Variants in CWC22 observed in about 807,000 individuals in gnomAD.
CWC22 encodes the protein CWC22 spliceosome associated protein, also known as pre-mRNA-splicing factor CWC22 homolog.
In CWC22, 53 loss-of-function variants were observed where a neutral mutation model predicts 117.2. The observed-to-expected ratio is 0.45, with a 90% CI of 0.36 to 0.57. CWC22 has a LOEUF of 0.57. Among genes scored for constraint, CWC22 ranks in the 20% least tolerant of loss-of-function variants. The probability of loss-of-function intolerance (pLI) is 0.00; values close to 1 mark genes in which losing one functional copy is unlikely to be tolerated. For missense variants in CWC22, 980 were observed against 1,068.8 expected, an observed-to-expected ratio of 0.92 and a Z score of 1.16; for synonymous variants, 360 against 355.6, an observed-to-expected ratio of 1.01 and a Z score of -0.14.
intron 1 of CWC22, among the ~76,000 whole-genome samples, chr2:180,002,341 G>A (rs541566644): frequency 3.9e-5 from 6 of 152,172 alleles, no homozygotes; most frequent in Admixed American, 6.5e-5. Flanking sequence ...TAGGAGGCTG[G>A]GGGAAGGTTC....
chr2:179,950,298 T>G (rs558665301), intron 19 of CWC22, among the ~76,000 whole-genome samples: 57 of 152,310 alleles, frequency 3.7e-4, no homozygotes, highest in South Asian at 8.3e-4. Context: ...AATATTTTCA[T>G]TTCTATGATG....
intron 18 of CWC22, 31 bp from the exon 19 acceptor site, chr2:179,950,763 TTTCAAA>T: frequency 6.2e-7 from 1 of 1,605,274 alleles, no homozygotes; most frequent in Non-Finnish European, 8.5e-7. Flanking sequence ...TTAGATTCTA[TTTCAAA>T]GACAATTATG....
At chr2:179,975,155 C>G (rs1013621971) in intron 6 of CWC22, among the ~76,000 whole-genome samples, 2 of 152,140 alleles carry the variant, frequency 1.3e-5, no homozygotes, top group East Asian at 3.9e-4. Context: ...ATTCTATTTT[C>G]TGACCCTTTT....
intron 3 of CWC22, among the ~76,000 whole-genome samples, chr2:179,987,181 C>A (rs1687439718): frequency 6.6e-6 from 1 of 152,262 alleles, no homozygotes; most frequent in African/African-American, 2.4e-5. Context: ...TGTATGAGAC[C>A]AAGGTCATTG....
chr2:179,988,888 TTC>T lies in CWC22; in HGVS notation c.28-246_28-245del, dbSNP rs1687487076. ...TTATGGACCAAAAACTTCTTTTTTT[TTC>T]TGTTTATTTTTATTTTTTATTTCTT... is the stretch of plus-strand genomic sequence containing the variant. On this transcript the variant is annotated intron_variant, in intron 2 of 19. Coordinates refer to ENST00000410053, the MANE Select transcript of CWC22 (RefSeq NM_020943.3). Among the ~76,000 whole-genome samples the T allele has an allele frequency of 3.3e-5, 5 of 152,084 alleles. No homozygotes were observed. In the South Asian group the frequency reaches 1.0e-3, roughly 32 times the overall value.
Position 179,994,311 on chromosome 2 carries a change from G to GA in CWC22, c.-113-858dup, listed in dbSNP as rs72135502. 2.2e-4 allele frequency among the ~76,000 whole-genome samples: 33 copies of GA among 151,280 alleles called. No individual in the cohort carries two copies. The South Asian group carries it at 4.2e-3, about 19-fold the overall frequency. On this transcript the variant is annotated intron_variant, in intron 1 of 19. Transcript: ENST00000410053. Reference sequence around the variant, plus strand: ...GTAGCAAAATAACTGAATACAACTGGAAAAAAAAATTAATTTGAGTGTCAG... The same window carrying GA: ...GTAGCAAAATAACTGAATACAACTGGAAAAAAAAAATTAATTTGAGTGTCAG...
chr2:179,991,020 G>A (rs1212343012), intron 2 of CWC22, among the ~76,000 whole-genome samples: 3 of 152,182 alleles, frequency 2.0e-5, no homozygotes, highest in African/African-American at 7.2e-5. Context: ...TTTTATCACA[G>A]AGTTTAGATT....
At chr2:179,992,453 C>G (rs1423042518) in intron 2 of CWC22, among the ~76,000 whole-genome samples, 1 of 152,134 alleles carries the variant, frequency 6.6e-6, no homozygotes, top group Admixed American at 6.5e-5. Context: ...CTTACATTTT[C>G]AAGTCTCTGC....
intron 1 of CWC22, among the ~76,000 whole-genome samples, chr2:180,000,867 T>A (rs1439056584): frequency 6.6e-6 from 1 of 152,050 alleles, no homozygotes; most frequent in Non-Finnish European, 1.5e-5. Context: ...CCATTATCTA[T>A]ACTGAAAACC....
At chr2:179,963,366 G>A (rs1303180706) in intron 13 of CWC22, among the ~76,000 whole-genome samples, 3 of 95,124 alleles carry the variant, frequency 3.2e-5, no homozygotes, top group East Asian at 3.6e-4. Context: ...TTTTTGAGAC[G>A]GAGTCTCGCT....
chr2:179,958,497 C>T (rs901958728), intron 14 of CWC22, among the ~76,000 whole-genome samples: 1 of 151,934 alleles, frequency 6.6e-6, no homozygotes, highest in Non-Finnish European at 1.5e-5. Context: ...TCCAGGACAG[C>T]TTTGAATGAG....
At chr2:179,979,869 T>A (rs571270089) in intron 5 of CWC22, among the ~76,000 whole-genome samples, 1 of 152,178 alleles carries the variant, frequency 6.6e-6, no homozygotes, top group Non-Finnish European at 1.5e-5. Context: ...AACGGCTACA[T>A]CAAATACAAT....
chr2:179,956,585 T>C (rs1287125061), intron 14 of CWC22, among the ~76,000 whole-genome samples: 1 of 149,370 alleles, frequency 6.7e-6, no homozygotes, highest in East Asian at 1.9e-4. Context: ...TATTGTGCTA[T>C]ATATATATAT....
At chr2:179,976,775 A>G (rs1687163387) in intron 6 of CWC22, among the ~76,000 whole-genome samples, 1 of 152,250 alleles carries the variant, frequency 6.6e-6, no homozygotes, top group East Asian at 1.9e-4. Context: ...GACATGGAGA[A>G]AAGAGAATGC....
intron 1 of CWC22, among the ~76,000 whole-genome samples, chr2:179,996,396 T>C (rs1421507894): frequency 6.6e-6 from 1 of 151,590 alleles, no homozygotes; most frequent in Non-Finnish European, 1.5e-5. Flanking sequence ...AACTGAAAAA[T>C]ATATGAAATA....
At chr2:179,996,262 T>C (rs1023139718) in intron 1 of CWC22, among the ~76,000 whole-genome samples, 1 of 152,158 alleles carries the variant, frequency 6.6e-6, no homozygotes, top group Non-Finnish European at 1.5e-5. Flanking sequence ...ATCCAGATCC[T>C]GGAATTAGTA....
At chr2:179,991,303 CAG>C (rs1687561335) in intron 2 of CWC22, among the ~76,000 whole-genome samples, 3 of 152,138 alleles carry the variant, frequency 2.0e-5, no homozygotes, top group Non-Finnish European at 2.9e-5. Flanking sequence ...AAGGGAAAAA[CAG>C]GGGATTCTCA....
chr2:179,948,509 TA>T (rs1686366075), intron 19 of CWC22, among the ~76,000 whole-genome samples: 1 of 152,074 alleles, frequency 6.6e-6, no homozygotes, highest in African/African-American at 2.4e-5. Flanking sequence ...CAGAGAAAAA[TA>T]GTTTCCCTGA....
chr2:179,949,767 G>A (rs1686399887), intron 19 of CWC22, among the ~76,000 whole-genome samples: 1 of 152,086 alleles, frequency 6.6e-6, no homozygotes, highest in Admixed American at 6.6e-5. Context: ...AAAGTCTGTT[G>A]AGCAAAAATG....
Sources: gnomAD v4.1 joint callset for allele counts (sites outside exome capture counted in the v4.1 genomes callset) on GRCh38, gnomAD v4.1.1 for gene constraint, MANE v1.5 for transcripts, NCBI Gene and HGNC (gene_info 2026-07-23, HGNC 2026-07-21) for gene names.